The following CEP295 variants were observed in gnomAD, a reference collection of about 807,000 sequenced individuals.
CEP295 encodes centrosomal protein 295.
In CEP295, 190 loss-of-function variants were observed where a neutral mutation model predicts 291.6. That is an observed-to-expected ratio of 0.65 (90% CI 0.58 to 0.73). The LOEUF (loss-of-function observed/expected upper bound fraction) is 0.73. Ranked by LOEUF, CEP295 falls within the 30% of genes least tolerant of loss-of-function variation. The pLI, the probability that CEP295 is intolerant of heterozygous loss-of-function variation, is 0.00. For missense variants in CEP295, 2,863 were observed against 2,949.4 expected (o/e 0.97, Z 0.68); for synonymous variants, 993 against 1,038.8 (o/e 0.96, Z 0.85).
At chr11:93,664,237 T>C (rs1461289764) in intron 1 of CEP295, among the ~76,000 whole-genome samples, 1 of 152,232 alleles carries the variant, frequency 6.6e-6, no homozygotes, top group Admixed American at 6.5e-5. Flanking sequence ...TGTTAAATTT[T>C]CTGTTTTTTA....
intron 12 of CEP295, among the ~76,000 whole-genome samples, chr11:93,694,608 A>G (rs540067745): frequency 6.6e-6 from 1 of 152,318 alleles, no homozygotes; most frequent in Admixed American, 6.5e-5. Context: ...TGATGCTGCA[A>G]CAGGCAAGTT....
chr11:93,713,712 G>C (rs1953059543), intron 18 of CEP295, among the ~76,000 whole-genome samples: 1 of 151,998 alleles, frequency 6.6e-6, no homozygotes, highest in Non-Finnish European at 1.5e-5. Context: ...TTTTCGCTAG[G>C]TTTGGGAAGT....
chr11:93,710,270 G>A (rs895999251), intron 18 of CEP295, among the ~76,000 whole-genome samples: 6 of 152,146 alleles, frequency 3.9e-5, no homozygotes, highest in African/African-American at 1.2e-4. Context: ...CTGTGGATCT[G>A]TCATATATGG....
intron 19 of CEP295, 113 bp downstream of exon 19, chr11:93,721,525 CT>C (rs1453283195): frequency 1.2e-6 from 1 of 814,916 alleles, no homozygotes. Context: ...TTTCTGAGAT[CT>C]GCTTTTAGTG....
At chr11:93,715,922 G>GGAGCTGT (rs1158418897) in intron 18 of CEP295, among the ~76,000 whole-genome samples, 1 of 151,890 alleles carries the variant, frequency 6.6e-6, no homozygotes. Context: ...GGTCTCTTTT[G>GGAGCTGT]GAGCTGTGAG....
Position 93,706,896 on chromosome 11 carries a change from AG to A in CEP295, c.5749+1del. 3.3e-6 allele frequency: 5 copies of A among 1,527,802 alleles called. No individual in the cohort carries two copies. The highest frequency in any genetic ancestry group is 3.5e-6 in the Non-Finnish European group (4 of 1,133,974). 94.6% of individuals were successfully genotyped at this position (1,527,802 alleles called of 1,614,324 possible). A position where few individuals can be genotyped will look rare whatever the true frequency, so the allele number is the denominator to read the frequency against. On this transcript the variant is annotated frameshift_variant and splice_region_variant, in exon 18 of 30. Coordinates refer to ENST00000325212, the MANE Select transcript of CEP295 (RefSeq NM_033395.2). LOFTEE classifies it high-confidence loss of function. Reference protein sequence around the residue: ...NVCGDDYDEAVKLKESVVENH... With the variant: ...NVCGDDYDEAXKLKESVVENH... ...TCTGTGGTGATGACTATGATGAAGC[AG>A]GTGAGAAATAAATGGAAAGTGGAAT...
At chr11:93,691,617 TG>T in intron 10 of CEP295, 65 bp from the exon 11 acceptor site, 1 of 1,065,216 alleles carries the variant, frequency 9.4e-7, no homozygotes, top group African/African-American at 1.6e-5. Flanking sequence ...ACCAGAATTT[TG>T]TTATTTTGCT....
intron 9 of CEP295, among the ~76,000 whole-genome samples, chr11:93,686,920 C>G (rs1047777292): frequency 2.0e-5 from 3 of 152,170 alleles, no homozygotes; most frequent in Admixed American, 6.6e-5. Flanking sequence ...TGCCTATTTT[C>G]AACCTCTTAA....
Position 93,698,196 on chromosome 11 carries a change from G to A in CEP295, c.3284G>A (p.Gly1095Glu). The A allele has an allele frequency of 6.4e-7, 1 of 1,551,906 alleles. No individual in the cohort carries two copies. The highest frequency in any genetic ancestry group is 1.2e-5 in the South Asian group (1 of 84,048). ...RQRDLGDSKS[G>E]LVSSSSSPVV... is the part of the protein sequence containing the mutation. ...AGAGATTTGGGGGACAGTAAGTCTG[G>A]GCTGGTGAGCTCTTCATCCTCACCA... Residue 1095 changes from glycine to glutamate, a missense_variant, in exon 15 of 30, where the codon GGG (glycine) becomes GAG (glutamate). Physicochemically the swap from Gly to Glu is moderately conservative, Grantham distance 98. Coordinates refer to ENST00000325212, the MANE Select transcript of CEP295 (RefSeq NM_033395.2).
At position 93,724,378 on chromosome 11, in the gene CEP295, A is replaced by G. The variant is rs749091709; in HGVS notation, c.6318+3A>G. The G allele has an allele frequency of 1.8e-5, 28 of 1,547,388 alleles. No individual in the cohort carries two copies. Among genetic ancestry groups the G allele is most frequent in the African/African-American group, 2.7e-5 (2 of 72,928 alleles). On this transcript the variant is annotated splice_donor_region_variant and intron_variant, in intron 22 of 29. Coordinates refer to ENST00000325212, the MANE Select transcript of CEP295 (RefSeq NM_033395.2). The stretch of plus-strand genomic sequence containing the variant: ...CAGACAACAGAGACTTTTACCAGGT[A>G]TATTAAAGTAGATGTCCCATTGCAG...
At chr11:93,679,704 G>C (rs1014260796) in intron 7 of CEP295, among the ~76,000 whole-genome samples, 152 bp downstream of exon 7, 8 of 152,018 alleles carry the variant, frequency 5.3e-5, no homozygotes, top group Admixed American at 2.0e-4. Flanking sequence ...AACTTTCTTT[G>C]CCCTCCAATT....
chr11:93,712,426 G>A (rs924919573), intron 18 of CEP295, among the ~76,000 whole-genome samples: 3 of 151,634 alleles, frequency 2.0e-5, no homozygotes, highest in Non-Finnish European at 4.4e-5. Flanking sequence ...GCTAATTTTT[G>A]TATTTTTAGT....
At chr11:93,671,774 C>T (rs146695602) in intron 5 of CEP295, among the ~76,000 whole-genome samples, 2,584 of 152,152 alleles carry the variant, frequency 0.017, 89 homozygotes, top group African/African-American at 0.059. Context: ...CAGGGAAATG[C>T]ACCATATAAG....
intron 18 of CEP295, among the ~76,000 whole-genome samples, chr11:93,715,270 C>A (rs777999829): frequency 1.3e-5 from 2 of 152,190 alleles, no homozygotes; most frequent in African/African-American, 4.8e-5. Flanking sequence ...ACCACCACCA[C>A]AGGCCTATGG....
At chr11:93,711,473 T>C (rs536562884) in intron 18 of CEP295, among the ~76,000 whole-genome samples, 1 of 147,210 alleles carries the variant, frequency 6.8e-6, no homozygotes, top group South Asian at 2.2e-4. Context: ...ACAAGTGTTA[T>C]TATTTCAGTT....
At position 93,721,191 on chromosome 11, in the gene CEP295, G is replaced by A. The variant is rs556427803; in HGVS notation, c.5750-121G>A. 124 of 638,468 alleles carry A rather than the reference G, an allele frequency of 1.9e-4. 3 individuals are homozygous for A. The highest frequency in any genetic ancestry group is 1.7e-3 in the South Asian group (86 of 50,888). 39.6% of individuals were successfully genotyped at this position (638,468 alleles called of 1,614,324 possible). ...ATCTAAGACAAGACAACTTTAAGAA[G>A]CAAAATGAGAAAGTAGATTGTAGGA... On this transcript the variant is annotated intron_variant, in intron 18 of 29. Transcript: ENST00000325212.
At chr11:93,714,729 A>G (rs989536920) in intron 18 of CEP295, among the ~76,000 whole-genome samples, 1 of 152,234 alleles carries the variant, frequency 6.6e-6, no homozygotes, top group East Asian at 1.9e-4. Flanking sequence ...TTGCAGACTC[A>G]TAGAGGTACT....
chr11:93,715,913 G>A (rs1037863364), intron 18 of CEP295, among the ~76,000 whole-genome samples: 1 of 151,894 alleles, frequency 6.6e-6, no homozygotes, highest in Admixed American at 6.6e-5. Flanking sequence ...GAAGGAGGGG[G>A]TCTCTTTTGG....
chr11:93,697,563 G>T lies in CEP295; in HGVS notation c.2651G>T (p.Gly884Val). The stretch of plus-strand genomic sequence containing the variant: ...CAGAAAGAAGTGGAACAGCAAACGG[G>T]CCTCTCGGTATTCCTTCCCTTGGTA... ...CKQKEVEQQT[G>V]LSVFLPLVTP... Residue 884 changes from glycine (G) to valine (V), a missense_variant, in exon 15 of 30, where the codon GGC becomes GTC. Transcript: ENST00000325212. 6.4e-7 allele frequency: 1 copy of T among 1,551,724 alleles called. No homozygotes were observed. Among genetic ancestry groups the T allele is most frequent in the South Asian group, 1.2e-5 (1 of 84,060 alleles).
Sources: gnomAD v4.1 joint callset for allele counts (sites outside exome capture counted in the v4.1 genomes callset) on GRCh38, gnomAD v4.1.1 for gene constraint, MANE v1.5 for transcripts, NCBI Gene and HGNC (gene_info 2026-07-23, HGNC 2026-07-21) for gene names.